COX7B2: variants seen among roughly 807,000 people sequenced by gnomAD.
COX7B2 encodes the protein cytochrome c oxidase subunit 7B2.
For missense variants in COX7B2, 109 were observed against 95.9 expected, an observed-to-expected ratio of 1.14 and a Z score of -0.57; for synonymous variants, 37 against 32.1, an observed-to-expected ratio of 1.15 and a Z score of -0.51.
intron 2 of COX7B2, among the ~76,000 whole-genome samples, chr4:46,824,701 T>C (rs1714556363): frequency 6.8e-6 from 1 of 147,982 alleles, no homozygotes; most frequent in South Asian, 2.1e-4. Flanking sequence ...GTAGGCTTCA[T>C]CACCAAATGC....
intron 2 of COX7B2, among the ~76,000 whole-genome samples, chr4:46,824,868 G>A (rs1714570888): frequency 6.6e-6 from 1 of 151,976 alleles, no homozygotes; most frequent in Non-Finnish European, 1.5e-5. Flanking sequence ...CCTAGGTATA[G>A]AAGGAACATA....
At chr4:46,796,137 C>T in intron 2 of COX7B2, among the ~76,000 whole-genome samples, 1 of 128,050 alleles carries the variant, frequency 7.8e-6, no homozygotes. Flanking sequence ...ACAATCATGT[C>T]GTCTGCAAAC....
chr4:46,795,366 T>G (rs1718267976), intron 2 of COX7B2, among the ~76,000 whole-genome samples: 1 of 57,734 alleles, frequency 1.7e-5, no homozygotes, highest in Non-Finnish European at 3.0e-5. Context: ...CATCTTGAAT[T>G]GATTTTTGTA....
At chr4:46,794,791 C>T (rs113882673) in intron 2 of COX7B2, among the ~76,000 whole-genome samples, 1 of 152,080 alleles carries the variant, frequency 6.6e-6, no homozygotes, top group East Asian at 1.9e-4. Flanking sequence ...TAAATGACTA[C>T]GGTGCTCCTA....
intron 1 of COX7B2, among the ~76,000 whole-genome samples, chr4:46,878,453 A>G (rs1020838182): frequency 6.6e-6 from 1 of 151,650 alleles, no homozygotes; most frequent in Non-Finnish European, 1.5e-5. Flanking sequence ...TGTAGTAATC[A>G]TTTTACTACA....
chr4:46,821,638 A>C (rs1714298660), intron 2 of COX7B2, among the ~76,000 whole-genome samples: 1 of 152,236 alleles, frequency 6.6e-6, no homozygotes, highest in Non-Finnish European at 1.5e-5. Flanking sequence ...AGGAAGGAGA[A>C]TAAAATAGAA....
chr4:46,859,948 C>T (rs1037507670), intron 1 of COX7B2, among the ~76,000 whole-genome samples: 1 of 152,234 alleles, frequency 6.6e-6, no homozygotes, highest in Admixed American at 6.5e-5. Flanking sequence ...AGAGCAGCTA[C>T]TCTTCTGTAC....
intron 2 of COX7B2, among the ~76,000 whole-genome samples, chr4:46,814,658 C>A (rs537827231): frequency 6.6e-6 from 1 of 152,090 alleles, no homozygotes; most frequent in Non-Finnish European, 1.5e-5. Flanking sequence ...ATGATAAGCT[C>A]CTTGGCAATG....
intron 2 of COX7B2, among the ~76,000 whole-genome samples, chr4:46,843,800 TA>T (rs1716095562): frequency 6.6e-6 from 1 of 152,018 alleles, no homozygotes. Context: ...AAATGTGATT[TA>T]GAATATTATG....
At chr4:46,780,915 A>C (rs1717411656) in intron 2 of COX7B2, among the ~76,000 whole-genome samples, 1 of 152,244 alleles carries the variant, frequency 6.6e-6, no homozygotes, top group Non-Finnish European at 1.5e-5. Context: ...TCAATGTCTT[A>C]CTTTACTGCA....
At chr4:46,767,095 A>C (rs7437723) in intron 2 of COX7B2, among the ~76,000 whole-genome samples, 37,747 of 152,184 alleles carry the variant, frequency 0.25, 4,945 homozygotes, top group Middle Eastern at 0.33. Flanking sequence ...AAACAGATCC[A>C]ACTCTGTGCT....
intron 1 of COX7B2, among the ~76,000 whole-genome samples, chr4:46,877,920 T>C (rs1481996335): frequency 6.6e-6 from 1 of 152,124 alleles, no homozygotes; most frequent in Non-Finnish European, 1.5e-5. Context: ...TTTAGAGATA[T>C]CTGTACTCTC....
chr4:46,838,562 A>G (rs1715692411), intron 2 of COX7B2, among the ~76,000 whole-genome samples: 1 of 152,082 alleles, frequency 6.6e-6, no homozygotes, highest in Admixed American at 6.6e-5. Context: ...AACTTGGTCC[A>G]TTAACCCTGG....
At chr4:46,855,915 G>A (rs150898863) in intron 1 of COX7B2, among the ~76,000 whole-genome samples, 2 of 152,056 alleles carry the variant, frequency 1.3e-5, no homozygotes, top group East Asian at 1.9e-4. Context: ...AATAAGTCTG[G>A]TTTTCTTTAA....
chr4:46,735,870 G>C (rs1714332611), intron 2 of COX7B2, among the ~76,000 whole-genome samples: 2 of 151,934 alleles, frequency 1.3e-5, no homozygotes, highest in South Asian at 4.1e-4. Flanking sequence ...AAATATTTTG[G>C]GGAAGCAGTT....
chr4:46,751,450 T>C (rs928658042), intron 2 of COX7B2, among the ~76,000 whole-genome samples: 2 of 152,176 alleles, frequency 1.3e-5, no homozygotes, highest in Non-Finnish European at 2.9e-5. Flanking sequence ...ACATATTAGT[T>C]ATCATGTTCA....
At chr4:46,815,000 A>G (rs1719475605) in intron 2 of COX7B2, among the ~76,000 whole-genome samples, 1 of 152,104 alleles carries the variant, frequency 6.6e-6, no homozygotes, top group Admixed American at 6.5e-5. Flanking sequence ...GGCCAGGCCA[A>G]CACGGCGAAA....
In COX7B2 at chr4:46,831,351, G is replaced by A. The variant is rs868179105; in HGVS notation, c.-50+13609C>T. Among the ~76,000 whole-genome samples the A allele has an allele frequency of 1.0e-3, 159 of 152,250 alleles. No individual in the cohort carries two copies. In the Middle Eastern group the frequency reaches 0.024, roughly 23 times the overall value. On this transcript the variant is annotated intron_variant, in intron 2 of 2. Coordinates refer to ENST00000355591, the MANE Select transcript of COX7B2 (RefSeq NM_130902.3). Reference sequence around the variant, plus strand: ...CTCCCACCCCGCCATGGGCTCCTGTGCGGCCCGAGCCTCCTCAACGAGTGC... The same window carrying A: ...CTCCCACCCCGCCATGGGCTCCTGTACGGCCCGAGCCTCCTCAACGAGTGC...
chr4:46,881,006 A>AT (rs1718698071), intron 1 of COX7B2, among the ~76,000 whole-genome samples: 1 of 150,990 alleles, frequency 6.6e-6, no homozygotes, highest in African/African-American at 2.4e-5. Context: ...AAAAAAAAAA[A>AT]AAAAACTCTT....
Sources: allele counts gnomAD v4.1 joint callset (sites outside exome capture counted in the v4.1 genomes callset), GRCh38; gene constraint gnomAD v4.1.1; transcripts MANE v1.5; gene names NCBI Gene and HGNC (gene_info 2026-07-23, HGNC 2026-07-21).